Variants in HNRNPD observed in about 807,000 individuals in gnomAD.
The protein encoded by HNRNPD is heterogeneous nuclear ribonucleoprotein D0.
In HNRNPD, 3 loss-of-function variants were observed where a neutral mutation model predicts 47.9. The observed-to-expected ratio is 0.06, with a 90% CI of 0.03 to 0.16. The LOEUF is 0.16. HNRNPD is among the 10% of genes least tolerant of loss of function. The pLI is 1.00. For synonymous variants in HNRNPD, 171 were observed against 165.1 expected, an observed-to-expected ratio of 1.04 and a Z score of -0.28; for missense variants, 287 against 454.2, an observed-to-expected ratio of 0.63 and a Z score of 3.35.
chr4:82,367,722 C>G (rs1365872), intron 2 of HNRNPD, among the ~76,000 whole-genome samples: 1 of 152,080 alleles, frequency 6.6e-6, no homozygotes, highest in African/African-American at 2.4e-5. Flanking sequence ...GTCTTCCCTC[C>G]CCACCCCCAA....
At chr4:82,362,278 TAA>T (rs908210876) in intron 2 of HNRNPD, among the ~76,000 whole-genome samples, 1 of 152,236 alleles carries the variant, frequency 6.6e-6, no homozygotes, top group African/African-American at 2.4e-5. Context: ...GTTGCTGTTC[TAA>T]AAAGTCTCCC....
chr4:82,373,711 T>G lies in HNRNPD; in HGVS notation c.-33A>C, dbSNP rs1720269446. 1.3e-6 allele frequency: 2 copies of G among 1,529,438 alleles called. No homozygotes were observed. The highest frequency in any genetic ancestry group is 2.8e-5 in the African/African-American group (2 of 72,178). 94.7% of individuals were successfully genotyped at this position (1,529,438 alleles called of 1,614,324 possible). A position where few individuals can be genotyped will look rare whatever the true frequency, so the allele number is the denominator to read the frequency against. On this transcript the variant is annotated 5_prime_UTR_variant, in exon 1 of 9. Coordinates refer to ENST00000313899, the MANE Select transcript of HNRNPD (RefSeq NM_031370.3). The stretch of plus-strand genomic sequence containing the variant: ...GTGTCTCCGCCGCTGCCGCCGAGAC[T>G]ACACCCGCCGCTGCCGCGAACCGAA...
At chr4:82,370,981 T>TATACACATATACACACACAC (rs142474751) in intron 2 of HNRNPD, among the ~76,000 whole-genome samples, 354 of 149,462 alleles carry the variant, frequency 2.4e-3, no homozygotes, top group Non-Finnish European at 4.2e-3. Flanking sequence ...GGTATATATA[T>TATACACATATACACACACAC]ACACACACAC....
intron 1 of HNRNPD, among the ~76,000 whole-genome samples, chr4:82,372,818 G>A (rs552581906): frequency 2.8e-4 from 43 of 152,218 alleles, no homozygotes; most frequent in Non-Finnish European, 5.6e-4. Flanking sequence ...TGTAGGGCCT[G>A]TATGAGTATG....
Position 82,362,302 on chromosome 4 carries a change from AGAGT to A in HNRNPD, c.291-2667_291-2664del, listed in dbSNP as rs796753195. Among the ~76,000 whole-genome samples, 80 of 152,320 alleles carry A rather than the reference AGAGT, an allele frequency of 5.3e-4. 1 individual carries two copies. The highest frequency in any genetic ancestry group is 1.9e-3 in the African/African-American group (77 of 41,572). On this transcript the variant is annotated intron_variant, in intron 2 of 8. Coordinates refer to ENST00000313899, the MANE Select transcript of HNRNPD (RefSeq NM_031370.3). ...CTAAAAAGTCTCCCTTCCGTTTTGC[AGAGT>A]AAGTAGCCAGCTGTCAAACTTTTCA...
chr4:82,359,188 T>C (rs769603782), intron 3 of HNRNPD, among the ~76,000 whole-genome samples: 104 of 152,302 alleles, frequency 6.8e-4, no homozygotes, highest in Admixed American at 1.3e-3. Flanking sequence ...TTTCAAAATA[T>C]GGACTTCTGT....
chr4:82,353,142 A>G lies in HNRNPD; in HGVS notation c.*1043T>C, dbSNP rs1723570047. 6.6e-6 allele frequency: 1 copy of G among 152,174 alleles called. No individual in the cohort carries two copies. The highest frequency in any genetic ancestry group is 2.4e-5 in the African/African-American group (1 of 41,432). 9.4% of individuals were successfully genotyped at this position (152,174 alleles called of 1,614,324 possible). A position where few individuals can be genotyped will look rare whatever the true frequency, so the allele number is the denominator to read the frequency against. ...CTTCCAACAAATGACAGGAAAAACA[A>G]TTCTGACTTAATCCTATAGTTATCA... On this transcript the variant is annotated 3_prime_UTR_variant, in exon 9 of 9. Transcript: ENST00000313899.
intron 1 of HNRNPD, among the ~76,000 whole-genome samples, chr4:82,372,189 A>T (rs1327588454): frequency 6.6e-6 from 1 of 152,174 alleles, no homozygotes; most frequent in African/African-American, 2.4e-5. Context: ...ACAAAAAGGA[A>T]TGGAAGCGTG....
At position 82,359,501 on chromosome 4, in the gene HNRNPD, C is replaced by A; in HGVS notation, c.429G>T (p.Val143=). 2 of 1,593,154 alleles carry A rather than the reference C, an allele frequency of 1.3e-6. No homozygotes were observed. Among genetic ancestry groups the A allele is most frequent in the Non-Finnish European group, 8.6e-7 (1 of 1,164,452 alleles). The part of the protein sequence containing the change: ...ITGRSRGFGF[V]LFKESESVDK... ...CTACACTCTCCGATTCTTTAAATAGCACAAAGCCAAAACCCCTTGATCGCC... is the reference window on the plus strand; with the variant it reads ...CTACACTCTCCGATTCTTTAAATAGAACAAAGCCAAAACCCCTTGATCGCC... The change falls in exon 3 of 9, where the codon GTG becomes GTT. Residue 143 remains valine (V), a synonymous_variant. Transcript: ENST00000313899.
chr4:82,371,283 T>C (rs1720034233), intron 2 of HNRNPD, among the ~76,000 whole-genome samples: 2 of 152,236 alleles, frequency 1.3e-5, no homozygotes, highest in Admixed American at 6.5e-5. Context: ...ACTAATTGTT[T>C]AGCTTAAATT....
chr4:82,369,213 G>A (rs1217131842), intron 2 of HNRNPD, among the ~76,000 whole-genome samples: 1 of 152,202 alleles, frequency 6.6e-6, no homozygotes, highest in Non-Finnish European at 1.5e-5. Flanking sequence ...ATGAACTGCA[G>A]CACTGCAGAG....
chr4:82,361,192 T>G (rs1208504704), intron 2 of HNRNPD, among the ~76,000 whole-genome samples: 1 of 152,228 alleles, frequency 6.6e-6, no homozygotes, highest in Non-Finnish European at 1.5e-5. Flanking sequence ...TTTCTTTAAT[T>G]TGAATAGTGT....
intron 2 of HNRNPD, among the ~76,000 whole-genome samples, chr4:82,366,443 C>A (rs559126750): frequency 1.1e-4 from 16 of 152,304 alleles, no homozygotes; most frequent in Admixed American, 3.9e-4. Flanking sequence ...AGGGTTTCAA[C>A]ATGTTGGCCA....
Position 82,373,842 on chromosome 4 carries a change from C to T in HNRNPD, c.-164G>A. 3 of 1,411,188 alleles carry T rather than the reference C, an allele frequency of 2.1e-6. No homozygotes were observed. The highest frequency in any genetic ancestry group is 1.4e-5 in the South Asian group (1 of 71,710). 87.4% of individuals were successfully genotyped at this position (1,411,188 alleles called of 1,614,324 possible). The stretch of plus-strand genomic sequence containing the variant: ...TGGCTGCAAAGGCTCCTGCGCCTCT[C>T]CCTGGCCTGCCCCCTTCGCCTCCCA... On this transcript the variant is annotated 5_prime_UTR_variant, in exon 1 of 9. Transcript: ENST00000313899.
rs781156825 is a variant in HNRNPD, at chr4:82,358,741, G to A, written c.539C>T (p.Pro180Leu). 4.3e-6 allele frequency: 7 copies of A among 1,612,320 alleles called. No individual in the cohort carries two copies. The highest frequency in any genetic ancestry group is 2.7e-5 in the African/African-American group (2 of 74,800). ...GCCACCAACAAAAATTTTTTTAACCGGCTCTTTTGTTTTCATGGCTTTGGC... is the reference window on the plus strand; with the variant it reads ...GCCACCAACAAAAATTTTTTTAACCAGCTCTTTTGTTTTCATGGCTTTGGC... ...KRAKAMKTKE[P>L]VKKIFVGGLS... is the part of the protein sequence containing the mutation. The change falls in exon 4 of 9, where the codon CCG (proline) becomes CTG (leucine). Residue 180 changes from proline to leucine, a missense_variant. Pro to Leu is a moderately conservative substitution (Grantham distance 98). Around this residue, in one of 5 missense-constraint regions of HNRNPD, gnomAD observed 39 missense variants for 113.1 expected, o/e 0.34. Transcript: ENST00000313899.
At chr4:82,368,096 T>C (rs1240680081) in intron 2 of HNRNPD, among the ~76,000 whole-genome samples, 9 of 152,196 alleles carry the variant, frequency 5.9e-5, no homozygotes, top group African/African-American at 1.4e-4. Context: ...TTTCACCCAT[T>C]TGTAAATGTG....
chr4:82,367,024 G>C (rs78147723), intron 2 of HNRNPD, among the ~76,000 whole-genome samples: 2 of 114,454 alleles, frequency 1.7e-5, no homozygotes, highest in Non-Finnish European at 3.4e-5. Context: ...CAACACACTA[G>C]CCTTTTTTTT....
At chr4:82,372,541 T>TA (rs370262161) in intron 1 of HNRNPD, among the ~76,000 whole-genome samples, 16 of 152,038 alleles carry the variant, frequency 1.1e-4, no homozygotes, top group African/African-American at 3.4e-4. Flanking sequence ...CTGGGGGTTG[T>TA]AAAAAATTAG....
At position 82,371,968 on chromosome 4, in the gene HNRNPD, C is replaced by A. The variant is rs140693037; in HGVS notation, c.234-384G>T. On this transcript the variant is annotated intron_variant, in intron 1 of 8. Transcript: ENST00000313899. Reference sequence around the variant, plus strand: ...AAAACCAGCACTATCATCAAACAGCCTGACAAGAATCTGCCTAGGCTGGGC... The same window carrying A: ...AAAACCAGCACTATCATCAAACAGCATGACAAGAATCTGCCTAGGCTGGGC... 2.0e-4 allele frequency among the ~76,000 whole-genome samples: 30 copies of A among 152,260 alleles called. 2 individuals carry two copies. The East Asian group carries it at 5.6e-3, about 28-fold the overall frequency.
Sources: gnomAD v4.1 joint callset for allele counts (sites outside exome capture counted in the v4.1 genomes callset) on GRCh38, gnomAD v4.1.1 for gene constraint, gnomAD v4.1.1 regional missense constraint, MANE v1.5 for transcripts, NCBI Gene and HGNC (gene_info 2026-07-23, HGNC 2026-07-21) for gene names.